COL24A1: variants seen among roughly 807,000 people sequenced by gnomAD.
The protein encoded by COL24A1 is collagen alpha-1(XXIV) chain.
In COL24A1, 224 loss-of-function variants were observed where a neutral mutation model predicts 253.9. The ratio of observed to expected loss-of-function variants is 0.88; its 90% CI spans 0.79 to 0.99. The LOEUF is 0.99. Among genes scored for constraint, COL24A1 ranks in the 50% least tolerant of loss-of-function variants. The pLI is 0.00. For synonymous variants in COL24A1, 685 were observed against 673.7 expected, an observed-to-expected ratio of 1.02 and a Z score of -0.26; for missense variants, 2,131 against 2,068.5, an observed-to-expected ratio of 1.03 and a Z score of -0.59.
At chr1:85,861,235 T>C (rs1302761922) in intron 37 of COL24A1, among the ~76,000 whole-genome samples, 1 of 152,198 alleles carries the variant, frequency 6.6e-6, no homozygotes, top group Admixed American at 6.5e-5. Flanking sequence ...TGTAATGATA[T>C]TGAGCATCTT....
In COL24A1 at chr1:86,108,620, T is replaced by TAAAGAAAAAA. The variant is rs1491169938; in HGVS notation, c.1599+3946_1599+3947insTTTTTTCTTT. On this transcript the variant is annotated intron_variant, in intron 5 of 59. Transcript: ENST00000370571. ...GAAAATGGAGAAACCCCATCTCTAC[T>TAAAGAAAAAA]AAAAAAAAAAAAAAAAAAAAAAAAA... is the stretch of plus-strand genomic sequence containing the variant. 1.1e-3 allele frequency among the ~76,000 whole-genome samples: 92 copies of TAAAGAAAAAA among 83,096 alleles called. 3 individuals are homozygous for TAAAGAAAAAA. Among genetic ancestry groups the TAAAGAAAAAA allele is most frequent in the South Asian group, 2.4e-3 (5 of 2,058 alleles). 54.5% of individuals were successfully genotyped at this position (83,096 alleles called of 152,430 possible).
At chr1:85,979,758 CA>C (rs1195412284) in intron 20 of COL24A1, among the ~76,000 whole-genome samples, 3 of 150,816 alleles carry the variant, frequency 2.0e-5, no homozygotes, top group African/African-American at 7.3e-5. Context: ...ATCAGACATT[CA>C]AAGAAGAATT....
chr1:86,021,491 G>A (rs1455995578), intron 18 of COL24A1, among the ~76,000 whole-genome samples: 1 of 152,040 alleles, frequency 6.6e-6, no homozygotes, highest in African/African-American at 2.4e-5. Flanking sequence ...GACCTTAGAT[G>A]TTTTCTAACA....
chr1:85,772,537 G>T (rs1668093296), intron 53 of COL24A1, among the ~76,000 whole-genome samples: 1 of 150,616 alleles, frequency 6.6e-6, no homozygotes, highest in African/African-American at 2.5e-5. Flanking sequence ...ATTCACAATA[G>T]CCTGACTTTT....
At chr1:85,888,385 T>C (rs938881001) in intron 32 of COL24A1, among the ~76,000 whole-genome samples, 2 of 152,098 alleles carry the variant, frequency 1.3e-5, no homozygotes, top group South Asian at 4.1e-4. Context: ...ATAGCCCTCA[T>C]AAATCTATGA....
At chr1:85,869,789 C>T (rs1570996434) in intron 35 of COL24A1, among the ~76,000 whole-genome samples, 3 of 152,306 alleles carry the variant, frequency 2.0e-5, no homozygotes, top group Admixed American at 2.0e-4. Flanking sequence ...ACTGCATCAA[C>T]TAATGAGCAA....
chr1:85,733,752 G>A (rs1366152402), intron 59 of COL24A1, among the ~76,000 whole-genome samples: 2 of 150,486 alleles, frequency 1.3e-5, no homozygotes, highest in African/African-American at 2.4e-5. Flanking sequence ...GCTAATTTTT[G>A]TATTTTTAGT....
intron 35 of COL24A1, among the ~76,000 whole-genome samples, chr1:85,873,389 G>A (rs1267434968): frequency 6.6e-6 from 1 of 152,150 alleles, no homozygotes; most frequent in Non-Finnish European, 1.5e-5. Context: ...ACATGCACAT[G>A]TATGTTTATT....
At chr1:86,059,247 G>T in intron 8 of COL24A1, 73 bp from the exon 9 acceptor site, 1 of 1,077,972 alleles carries the variant, frequency 9.3e-7, no homozygotes, top group South Asian at 1.6e-5. Flanking sequence ...CAATACACAA[G>T]CTTGGAAATA....
rs762903142 is a variant in COL24A1 at position 85,965,079 on chromosome 1, T to C, written c.2464-17A>G. On this transcript the variant is annotated splice_polypyrimidine_tract_variant and intron_variant, in intron 22 of 59. Transcript: ENST00000370571. The stretch of plus-strand genomic sequence containing the variant: ...TGGTTTTCCCTAGAAGAGAACAGCA[T>C]AAAAGAAGAAAGTATATATGTTTAG... 1.3e-6 allele frequency: 2 copies of C among 1,597,444 alleles called. No individual in the cohort carries two copies. Among genetic ancestry groups the C allele is most frequent in the South Asian group, 1.1e-5 (1 of 87,204 alleles).
chr1:85,997,214 G>C (rs1486592063), intron 19 of COL24A1, among the ~76,000 whole-genome samples: 1 of 151,530 alleles, frequency 6.6e-6, no homozygotes, highest in Non-Finnish European at 1.5e-5. Context: ...AGAAAGGAGA[G>C]TGCATTTTCA....
At chr1:85,783,609 C>T (rs1267754446) in intron 50 of COL24A1, 51 bp from the exon 51 acceptor site, 1 of 1,485,418 alleles carries the variant, frequency 6.7e-7, no homozygotes, top group Admixed American at 1.7e-5. Context: ...TCTATATGAA[C>T]ATTTTACAAA....
chr1:85,771,823 A>G (rs1667998721), intron 53 of COL24A1, among the ~76,000 whole-genome samples: 1 of 137,028 alleles, frequency 7.3e-6, no homozygotes, highest in African/African-American at 2.7e-5. Flanking sequence ...TTATACTTTA[A>G]GTTTTAGGGT....
intron 8 of COL24A1, among the ~76,000 whole-genome samples, chr1:86,060,930 G>A (rs1206679375): frequency 6.6e-6 from 1 of 151,468 alleles, no homozygotes; most frequent in East Asian, 1.9e-4. Context: ...AACATTTATT[G>A]AGCACTTATC....
At chr1:85,907,270 C>G (rs1684935476) in intron 27 of COL24A1, 23 bp from the exon 28 acceptor site, 1 of 1,596,938 alleles carries the variant, frequency 6.3e-7, no homozygotes, top group African/African-American at 1.3e-5. Flanking sequence ...AATTTAAAGT[C>G]AGTTGTAGAA....
chr1:86,091,455 A>G (rs571209823), intron 6 of COL24A1, among the ~76,000 whole-genome samples: 1 of 152,168 alleles, frequency 6.6e-6, no homozygotes, highest in East Asian at 1.9e-4. Flanking sequence ...TTTTGTAACC[A>G]CCAAAATTGT....
chr1:85,893,374 A>T (rs1261042905), intron 31 of COL24A1, among the ~76,000 whole-genome samples: 1 of 152,160 alleles, frequency 6.6e-6, no homozygotes, highest in Non-Finnish European at 1.5e-5. Context: ...TTAAAAATAC[A>T]TAAAGAAAAA....
At chr1:86,056,856 CAAA>C (rs369894155) in intron 10 of COL24A1, among the ~76,000 whole-genome samples, 1 of 96,030 alleles carries the variant, frequency 1.0e-5, no homozygotes. Flanking sequence ...TCTGTCTCAC[CAAA>C]AAAAAAAAAC....
chr1:85,816,540 G>T (rs1371623408), intron 47 of COL24A1, among the ~76,000 whole-genome samples: 2 of 152,138 alleles, frequency 1.3e-5, no homozygotes, highest in Non-Finnish European at 2.9e-5. Flanking sequence ...TTCTTTAACA[G>T]ATTTTATATT....
Sources: allele counts gnomAD v4.1 joint callset (sites outside exome capture counted in the v4.1 genomes callset), GRCh38; gene constraint gnomAD v4.1.1; transcripts MANE v1.5; gene names NCBI Gene and HGNC (gene_info 2026-07-23, HGNC 2026-07-21).